Variants in JMJD1C observed in about 807,000 individuals in gnomAD.
JMJD1C encodes jumonji domain containing 1C.
In JMJD1C, 31 loss-of-function variants were observed where a neutral mutation model predicts 245.3. The ratio of observed to expected loss-of-function variants is 0.13; its 90% CI spans 0.09 to 0.17. The LOEUF is 0.17. Ranked by LOEUF, JMJD1C falls within the 10% of genes least tolerant of loss-of-function variation. The pLI is 1.00. For missense variants in JMJD1C, 2,691 were observed against 3,000.2 expected, an observed-to-expected ratio of 0.90 and a Z score of 2.41; for synonymous variants, 1,057 against 1,017.4, an observed-to-expected ratio of 1.04 and a Z score of -0.74.
chr10:63,518,248 C>T (rs1955086449), intron 1 of JMJD1C, among the ~76,000 whole-genome samples: 1 of 152,196 alleles, frequency 6.6e-6, no homozygotes, highest in Non-Finnish European at 1.5e-5. Flanking sequence ...GATGAAGTTA[C>T]TCTTACTTTA....
At chr10:63,339,545 G>A (rs1186286540) in intron 2 of JMJD1C, among the ~76,000 whole-genome samples, 4 of 152,164 alleles carry the variant, frequency 2.6e-5, no homozygotes, top group Non-Finnish European at 5.9e-5. Context: ...CACTTTCAGA[G>A]GCAGGGATGG....
chr10:63,474,929 A>T (rs1589811654), intron 1 of JMJD1C, among the ~76,000 whole-genome samples: 1 of 152,196 alleles, frequency 6.6e-6, no homozygotes, highest in Non-Finnish European at 1.5e-5. Context: ...AATTACAGCA[A>T]ATCTAATGAA....
At chr10:63,184,881 G>A (rs1287289764) in intron 20 of JMJD1C, 143 bp from the exon 21 acceptor site, 2 of 699,112 alleles carry the variant, frequency 2.9e-6, no homozygotes, top group Non-Finnish European at 4.6e-6. Flanking sequence ...AAGTGATACT[G>A]ACTAAAATAG....
intron 1 of JMJD1C, among the ~76,000 whole-genome samples, chr10:63,485,753 A>G (rs1437048701): frequency 6.6e-6 from 1 of 152,186 alleles, no homozygotes; most frequent in African/African-American, 2.4e-5. Context: ...GAATGAACTA[A>G]TATTTTCCTT....
Position 63,501,904 on chromosome 10 carries a change from A to G in JMJD1C, n.113+19834T>C, listed in dbSNP as rs543102630. Among the ~76,000 whole-genome samples, 3 of 152,326 alleles carry G rather than the reference A, an allele frequency of 2.0e-5. No homozygotes were observed. In the South Asian group the frequency reaches 6.2e-4, roughly 32 times the overall value. On this transcript the variant is annotated intron_variant and non_coding_transcript_variant, in intron 1 of 3. Coordinates refer to the JMJD1C transcript ENST00000633035. ...GATAATGGTCCTAAGAAAGAAAAAG[A>G]AGGCGAGAAGAAAGGAGGCAGGGAC...
chr10:63,374,804 A>T (rs575923620), intron 2 of JMJD1C, among the ~76,000 whole-genome samples: 1 of 152,294 alleles, frequency 6.6e-6, no homozygotes, highest in African/African-American at 2.4e-5. Flanking sequence ...TTAGGCAAAA[A>T]AGCAGGATCT....
Position 63,207,805 on chromosome 10 carries a change from T to G in JMJD1C, c.3864A>C (p.Glu1288Asp). ...PNNNLSKEKT[E>D]WHVEKSSGKL... ...TTCCGCTGCTTTTCTCCACATGCCA[T>G]TCAGTTTTCTCTTTGCTGAGGTTAT... The change falls in exon 10 of 26, where the codon GAA becomes GAC. Residue 1288 changes from glutamate (E) to aspartate (D), a missense_variant. Transcript: ENST00000399262. The G allele has an allele frequency of 6.2e-7, 1 of 1,614,178 alleles. No homozygotes were observed. The highest frequency in any genetic ancestry group is 8.5e-7 in the Non-Finnish European group (1 of 1,180,016).
intron 3 of JMJD1C, among the ~76,000 whole-genome samples, chr10:63,230,773 C>CA (rs1849873788): frequency 6.6e-6 from 1 of 150,706 alleles, no homozygotes; most frequent in South Asian, 2.1e-4. Flanking sequence ...AGACTGTCCC[C>CA]CCCCCCAAAA....
At chr10:63,425,967 C>G (rs1030722081) in intron 1 of JMJD1C, among the ~76,000 whole-genome samples, 2 of 152,212 alleles carry the variant, frequency 1.3e-5, no homozygotes, top group Admixed American at 6.5e-5. Context: ...AAAACACATA[C>G]ACAGGCATAA....
intron 3 of JMJD1C, among the ~76,000 whole-genome samples, chr10:63,241,705 T>C (rs1851502732): frequency 1.3e-5 from 2 of 152,238 alleles, no homozygotes; most frequent in Admixed American, 6.5e-5. Context: ...TTCCAGGCTT[T>C]ACTTTTCTCC....
At chr10:63,430,177 A>G (rs1318144049) in intron 1 of JMJD1C, among the ~76,000 whole-genome samples, 1 of 152,238 alleles carries the variant, frequency 6.6e-6, no homozygotes, top group Non-Finnish European at 1.5e-5. Context: ...ACTTCACACC[A>G]TATACAAAAC....
At chr10:63,481,443 CT>C (rs1347484129) in intron 1 of JMJD1C, among the ~76,000 whole-genome samples, 4 of 148,634 alleles carry the variant, frequency 2.7e-5, no homozygotes, top group Admixed American at 1.3e-4. Flanking sequence ...TTTTTTTTTG[CT>C]TTTTTTTCCT....
At chr10:63,511,763 T>A (rs1954879627) in intron 1 of JMJD1C, among the ~76,000 whole-genome samples, 1 of 151,992 alleles carries the variant, frequency 6.6e-6, no homozygotes, top group Non-Finnish European at 1.5e-5. Context: ...GAAAACTACA[T>A]ATATGTAGCA....
intron 14 of JMJD1C, chr10:63,193,709 C>T (rs983782373): frequency 3.9e-5 from 11 of 283,242 alleles, no homozygotes; most frequent in Non-Finnish European, 6.5e-5. Context: ...CTCTGTCACC[C>T]AGGCTGGAGT....
intron 1 of JMJD1C, among the ~76,000 whole-genome samples, chr10:63,385,700 C>T (rs2134546379): frequency 6.6e-6 from 1 of 152,092 alleles, no homozygotes; most frequent in East Asian, 1.9e-4. Flanking sequence ...CTCACCTCAA[C>T]CTCCCGAGTA....
At chr10:63,494,105 G>T (rs968232784) in intron 1 of JMJD1C, among the ~76,000 whole-genome samples, 8 of 152,162 alleles carry the variant, frequency 5.3e-5, no homozygotes, top group African/African-American at 1.7e-4. Flanking sequence ...GAGGTCAGGA[G>T]ATCGAGACCA....
At chr10:63,321,656 A>G (rs955018165) in intron 2 of JMJD1C, among the ~76,000 whole-genome samples, 3 of 152,220 alleles carry the variant, frequency 2.0e-5, no homozygotes, top group African/African-American at 7.2e-5. Context: ...GTAGGGAAGC[A>G]AAAGTTCATT....
At chr10:63,329,143 TTGGTGGCATGCGCC>T (rs1941854580) in intron 2 of JMJD1C, among the ~76,000 whole-genome samples, 1 of 151,676 alleles carries the variant, frequency 6.6e-6, no homozygotes, top group African/African-American at 2.4e-5. Context: ...TTAGCCAGGC[TTGGTGGCATGCGCC>T]TATAATCCCA....
At chr10:63,203,446 C>T (rs1846247841) in intron 10 of JMJD1C, 9 of 985,320 alleles carry the variant, frequency 9.1e-6, no homozygotes, top group Non-Finnish European at 1.1e-5. Context: ...GAGACAAATA[C>T]TTGCCAAACA....
Sources: gnomAD v4.1 joint callset for allele counts (sites outside exome capture counted in the v4.1 genomes callset) on GRCh38, gnomAD v4.1.1 for gene constraint, MANE v1.5 for transcripts, NCBI Gene and HGNC (gene_info 2026-07-23, HGNC 2026-07-21) for gene names.